Variants in RYR3 observed in about 807,000 individuals in gnomAD.
The protein encoded by RYR3 is brain ryanodine receptor-calcium release channel.
Under a neutral mutation model 584.3 loss-of-function variants are expected in RYR3, and 207 were observed. That is an observed-to-expected ratio of 0.35 (90% CI 0.32 to 0.40). The LOEUF (loss-of-function observed/expected upper bound fraction) is 0.40. Among genes scored for constraint, RYR3 ranks in the 10% least tolerant of loss-of-function variants. RYR3 has a pLI of 1.00. For synonymous variants in RYR3, 2,416 were observed against 2,248.5 expected, an observed-to-expected ratio of 1.07 and a Z score of -2.11; for missense variants, 5,616 against 6,089.2, an observed-to-expected ratio of 0.92 and a Z score of 2.59.
chr15:33,770,559 C>G (rs532704409), intron 62 of RYR3, among the ~76,000 whole-genome samples: 2 of 151,956 alleles, frequency 1.3e-5, no homozygotes, highest in Non-Finnish European at 2.9e-5. Flanking sequence ...CAAGACCAGT[C>G]TGGGCAACAT....
At chr15:33,457,816 A>C (rs1384229010) in intron 1 of RYR3, among the ~76,000 whole-genome samples, 4 of 152,258 alleles carry the variant, frequency 2.6e-5, no homozygotes, top group Non-Finnish European at 5.9e-5. Flanking sequence ...GTATTGAAAC[A>C]TCACACTCTA....
chr15:33,624,087 T>C, intron 20 of RYR3, 64 bp downstream of exon 20: 2 of 1,127,252 alleles, frequency 1.8e-6, no homozygotes, highest in Non-Finnish European at 2.6e-6. Context: ...AAATACTTCT[T>C]TCTTTCTTGT....
At chr15:33,406,180 T>C (rs1225725916) in intron 1 of RYR3, among the ~76,000 whole-genome samples, 1 of 152,214 alleles carries the variant, frequency 6.6e-6, no homozygotes, top group African/African-American at 2.4e-5. Context: ...GAATACCTTC[T>C]GTGCTTTGTC....
chr15:33,767,652 T>C (rs2073209836), intron 60 of RYR3, among the ~76,000 whole-genome samples: 1 of 152,230 alleles, frequency 6.6e-6, no homozygotes, highest in Non-Finnish European at 1.5e-5. Context: ...TGATGAGTTA[T>C]GAATCAGAAA....
At chr15:33,741,598 AGTTTT>A (rs72331426) in intron 51 of RYR3, among the ~76,000 whole-genome samples, 29,517 of 151,162 alleles carry the variant, frequency 0.2, 2,997 homozygotes, top group African/African-American at 0.27. Context: ...CCAAAATTCT[AGTTTT>A]GTTTTGTTTT....
chr15:33,856,526 G>T (rs1226356512), intron 98 of RYR3: 1 of 152,324 alleles, frequency 6.6e-6, no homozygotes, highest in Non-Finnish European at 1.5e-5. Flanking sequence ...AATAAAAAGT[G>T]TGACTCAGCT....
chr15:33,385,990 G>A (rs1221997276), intron 1 of RYR3, among the ~76,000 whole-genome samples: 1 of 152,066 alleles, frequency 6.6e-6, no homozygotes, highest in East Asian at 1.9e-4. Context: ...ACAGATGTGA[G>A]CCACTGTGCC....
chr15:33,843,353 C>T (rs1239903207), intron 91 of RYR3, 135 bp from the exon 92 acceptor site: 6 of 624,820 alleles, frequency 9.6e-6, no homozygotes, highest in Non-Finnish European at 1.7e-5. Flanking sequence ...CCAGGGTTAC[C>T]CTAGAAGAGT....
At chr15:33,704,365 C>G (rs924134688) in intron 42 of RYR3, among the ~76,000 whole-genome samples, 12 of 152,052 alleles carry the variant, frequency 7.9e-5, no homozygotes, top group African/African-American at 2.7e-4. Context: ...TAAGCAATCC[C>G]AGCTGCAAAC....
At chr15:33,630,225 A>G (rs1166454346) in intron 22 of RYR3, among the ~76,000 whole-genome samples, 182 bp downstream of exon 22, 3 of 152,188 alleles carry the variant, frequency 2.0e-5, no homozygotes, top group Non-Finnish European at 4.4e-5. Flanking sequence ...ATTATTGACT[A>G]TATTTCTTAA....
intron 30 of RYR3, among the ~76,000 whole-genome samples, chr15:33,648,365 A>C (rs11858520): frequency 0.062 from 9,440 of 152,254 alleles, 639 homozygotes; most frequent in African/African-American, 0.17. Context: ...AGAGCCACTT[A>C]ATTAAGAATG....
At chr15:33,401,678 C>A (rs1414241656) in intron 1 of RYR3, among the ~76,000 whole-genome samples, 1 of 152,172 alleles carries the variant, frequency 6.6e-6, no homozygotes, top group Non-Finnish European at 1.5e-5. Context: ...ACGTGGACCA[C>A]CATTTAACAG....
At chr15:33,808,199 G>C (rs1399173020) in intron 70 of RYR3, among the ~76,000 whole-genome samples, 2 of 152,234 alleles carry the variant, frequency 1.3e-5, no homozygotes, top group Non-Finnish European at 2.9e-5. Flanking sequence ...AGGAAAGGAA[G>C]ATGGAGCCCA....
chr15:33,375,266 G>A (rs2040638433), intron 1 of RYR3, among the ~76,000 whole-genome samples: 1 of 152,194 alleles, frequency 6.6e-6, no homozygotes, highest in African/African-American at 2.4e-5. Context: ...TGCATGGTAA[G>A]CACTCAGAAA....
intron 1 of RYR3, among the ~76,000 whole-genome samples, chr15:33,425,583 A>G (rs1160766121): frequency 6.6e-6 from 1 of 151,822 alleles, no homozygotes; most frequent in African/African-American, 2.4e-5. Context: ...TATAGTCTAC[A>G]GTCTGTTTTC....
intron 99 of RYR3, among the ~76,000 whole-genome samples, chr15:33,859,288 C>G (rs377330617): frequency 1.3e-5 from 2 of 152,262 alleles, no homozygotes; most frequent in South Asian, 4.1e-4. Flanking sequence ...ATAGGCCATA[C>G]TCATCAAGGC....
intron 10 of RYR3, among the ~76,000 whole-genome samples, chr15:33,562,465 C>T (rs1020745179): frequency 1.3e-5 from 2 of 152,010 alleles, no homozygotes; most frequent in Non-Finnish European, 2.9e-5. Context: ...AGATGTCACT[C>T]GCTGGAAATA....
chr15:33,425,785 G>T (rs1196443477), intron 1 of RYR3, among the ~76,000 whole-genome samples: 1 of 151,688 alleles, frequency 6.6e-6, no homozygotes, highest in African/African-American at 2.4e-5. Context: ...GGGACTACAG[G>T]CGCCCGCCAC....
intron 3 of RYR3, among the ~76,000 whole-genome samples, chr15:33,510,014 C>T (rs974886814): frequency 6.6e-6 from 1 of 152,140 alleles, no homozygotes; most frequent in African/African-American, 2.4e-5. Context: ...GCTGACCATC[C>T]ACACCTGCTG....
Sources: allele counts gnomAD v4.1 joint callset (sites outside exome capture counted in the v4.1 genomes callset), GRCh38; gene constraint gnomAD v4.1.1; transcripts MANE v1.5; gene names NCBI Gene and HGNC (gene_info 2026-07-23, HGNC 2026-07-21).